MINAR2: variants seen among roughly 807,000 people sequenced by gnomAD.
MINAR2 encodes the protein major intrinsically disordered NOTCH2-binding receptor 1-like.
MINAR2 carries 21 observed loss-of-function variants against 16.1 expected under a neutral mutation model. The observed-to-expected ratio is 1.31, with a 90% CI of 0.93 to 1.88. MINAR2 has a LOEUF of 1.88. Ranked by LOEUF, MINAR2 falls within the 40% of genes most tolerant of loss-of-function variation. MINAR2 has a pLI of 0.00. For synonymous variants in MINAR2, 86 were observed against 83.0 expected (o/e 1.04, Z -0.20); for missense variants, 259 against 229.8 (o/e 1.13, Z -0.82).
At chr5:129,749,932 C>G (rs924235337) in intron 1 of MINAR2, among the ~76,000 whole-genome samples, 6 of 152,212 alleles carry the variant, frequency 3.9e-5, no homozygotes, top group African/African-American at 1.4e-4. Context: ...AGGTAAACTT[C>G]TGCTTCATAG....
chr5:129,756,610 T>A (rs1285108314), intron 1 of MINAR2, among the ~76,000 whole-genome samples: 1 of 152,108 alleles, frequency 6.6e-6, no homozygotes, highest in Non-Finnish European at 1.5e-5. Context: ...TCACTTAGAA[T>A]AATAGTCTCC....
At chr5:129,751,449 C>A (rs1452786983) in intron 1 of MINAR2, among the ~76,000 whole-genome samples, 3 of 152,084 alleles carry the variant, frequency 2.0e-5, no homozygotes, top group African/African-American at 7.2e-5. Context: ...CTCAAGGTAT[C>A]CATCCAATTT....
chr5:129,762,256 A>C (rs1758146465), intron 2 of MINAR2, among the ~76,000 whole-genome samples: 1 of 152,204 alleles, frequency 6.6e-6, no homozygotes, highest in South Asian at 2.1e-4. Context: ...CTGAAGCTAA[A>C]ATAAAAGTTC....
At chr5:129,751,837 A>G (rs1303809440) in intron 1 of MINAR2, among the ~76,000 whole-genome samples, 6 of 152,214 alleles carry the variant, frequency 3.9e-5, no homozygotes, top group Admixed American at 6.5e-5. Flanking sequence ...ACAAGTAATG[A>G]AAAAAGGCTG....
Position 129,764,275 on chromosome 5 carries a change from TCAAA to T in MINAR2, c.394-604_394-601del, listed in dbSNP as rs1199365215. On this transcript the variant is annotated intron_variant, in intron 2 of 2. Transcript: ENST00000564719. ...TATAATGGGTCCTTTTTTCAGGAGG[TCAAA>T]CAAAGTTTCTGCATGCCAGACATGT... Among the ~76,000 whole-genome samples the T allele has an allele frequency of 5.3e-5, 8 of 151,998 alleles. No homozygotes were observed. In the East Asian group the frequency reaches 9.7e-4, roughly 19 times the overall value.
At position 129,760,569 on chromosome 5, in the gene MINAR2, A is replaced by T. The variant is rs866571566; in HGVS notation, c.357A>T (p.Lys119Asn). ...CATGGACCATTGAGGAATATGACAA[A>T]CATTCCCTGCACACAAACCTCTCTG... ...NPSWTIEEYDKHSLHTNLSGH... is the reference protein window; with the variant it reads ...NPSWTIEEYDNHSLHTNLSGH... Residue 119 changes from lysine to asparagine, a missense_variant, in exon 2 of 3, where the codon AAA becomes AAT. By Grantham distance (94) the Lys-to-Asn change is moderately conservative. Coordinates refer to ENST00000564719, the MANE Select transcript of MINAR2 (RefSeq NM_001257308.2). 2.6e-6 allele frequency: 4 copies of T among 1,535,354 alleles called. No homozygotes were observed. In the Admixed American group the frequency reaches 5.9e-5, roughly 23 times the overall value.
rs150792347 is a variant in MINAR2 at position 129,754,575 on chromosome 5, C to T, written c.166-5803C>T. 3.5e-3 allele frequency among the ~76,000 whole-genome samples: 529 copies of T among 152,124 alleles called. 2 individuals carry two copies. Among genetic ancestry groups the T allele is most frequent in the Non-Finnish European group, 4.4e-3 (300 of 67,980 alleles). ...TTTTTTCAGTTCTTCATATGGCCTTCGATAATATCTTGTAATTCTCCACAC... is the reference window on the plus strand; with the variant it reads ...TTTTTTCAGTTCTTCATATGGCCTTTGATAATATCTTGTAATTCTCCACAC... On this transcript the variant is annotated intron_variant, in intron 1 of 2. Transcript: ENST00000564719.
rs183820858 is a variant in MINAR2, at chr5:129,762,154, C to T, written c.393+1549C>T. Among the ~76,000 whole-genome samples, 47 of 151,998 alleles carry T rather than the reference C, an allele frequency of 3.1e-4. 1 individual carries two copies. The East Asian group carries it at 8.7e-3, about 28-fold the overall frequency. ...ATGTAACAAACCTGCACATTCTGCA[C>T]ATGTATCCCATAACATAAAGTAAAA... On this transcript the variant is annotated intron_variant, in intron 2 of 2. Coordinates refer to ENST00000564719, the MANE Select transcript of MINAR2 (RefSeq NM_001257308.2).
intron 1 of MINAR2, among the ~76,000 whole-genome samples, chr5:129,755,483 A>C (rs999566720): frequency 1.3e-5 from 2 of 151,960 alleles, no homozygotes; most frequent in African/African-American, 4.8e-5. Flanking sequence ...GAGGAGGTTT[A>C]AAACTATTGA....
At position 129,766,658 on chromosome 5, in the gene MINAR2, A is replaced by AAAC. The variant is rs1295429049; in HGVS notation, c.*1598_*1600dup. 2 of 134,890 alleles carry AAAC rather than the reference A, an allele frequency of 1.5e-5. No homozygotes were observed. Among genetic ancestry groups the AAAC allele is most frequent in the Non-Finnish European group, 3.1e-5 (2 of 63,674 alleles). The allele number at this position is 134,890 out of a possible 1,614,324, so 8.4% of individuals were successfully genotyped here. ...ATAAAAAAAAAAAAAAAAAAAAAAC[A>AAAC]AACAAACAAACAAAAAAAACCCCAA... On this transcript the variant is annotated 3_prime_UTR_variant, in exon 3 of 3. Coordinates refer to ENST00000564719, the MANE Select transcript of MINAR2 (RefSeq NM_001257308.2).
chr5:129,765,012 C>G lies in MINAR2; in HGVS notation c.522C>G (p.Val174=). 5 of 1,347,976 alleles carry G rather than the reference C, an allele frequency of 3.7e-6. No homozygotes were observed. Among genetic ancestry groups the G allele is most frequent in the Non-Finnish European group, 4.8e-6 (5 of 1,049,232 alleles). The allele number at this position is 1,347,976 out of a possible 1,614,324, so 83.5% of individuals were successfully genotyped here. ...KFCRMGLILL[V]VISILVTIVT... ...GTCGTATGGGTCTGATTTTACTTGT[C>G]GTTATCTCCATCTTGGTTACCATAG... is the stretch of plus-strand genomic sequence containing the variant. The change falls in exon 3 of 3, where the codon GTC becomes GTG. Residue 174 remains valine (V), a synonymous_variant. Transcript: ENST00000564719.
At chr5:129,764,727 A>G (rs961759934) in intron 2 of MINAR2, among the ~76,000 whole-genome samples, 157 bp from the exon 3 acceptor site, 1 of 146,880 alleles carries the variant, frequency 6.8e-6, no homozygotes, top group African/African-American at 2.7e-5. Flanking sequence ...AGGAAGCCTC[A>G]TACCGCTCAT....
At chr5:129,751,291 C>T (rs1581287782) in intron 1 of MINAR2, among the ~76,000 whole-genome samples, 1 of 152,132 alleles carries the variant, frequency 6.6e-6, no homozygotes. Flanking sequence ...TCACTACAAC[C>T]TCTGCCTCCC....
chr5:129,765,900 T>C lies in MINAR2; in HGVS notation c.*837T>C, dbSNP rs1252524079. 1 of 152,198 alleles carries C rather than the reference T, an allele frequency of 6.6e-6. No individual in the cohort carries two copies. The highest frequency in any genetic ancestry group is 1.5e-5 in the Non-Finnish European group (1 of 68,056). 9.4% of individuals were successfully genotyped at this position (152,198 alleles called of 1,614,324 possible). A position where few individuals can be genotyped will look rare whatever the true frequency, so the allele number is the denominator to read the frequency against. ...CTAACTGCTACTTGCTAACAGACTC[T>C]GGCAAGTTATTCTCTCAGAGAAGGA... On this transcript the variant is annotated 3_prime_UTR_variant, in exon 3 of 3. Transcript: ENST00000564719.
chr5:129,755,131 A>G (rs1012523747), intron 1 of MINAR2, among the ~76,000 whole-genome samples: 2 of 152,068 alleles, frequency 1.3e-5, no homozygotes, highest in African/African-American at 4.8e-5. Flanking sequence ...TTAATGTGGT[A>G]AATTTCATTA....
intron 1 of MINAR2, among the ~76,000 whole-genome samples, chr5:129,749,300 C>T (rs148197370): frequency 1.3e-5 from 2 of 152,286 alleles, no homozygotes; most frequent in Non-Finnish European, 2.9e-5. Context: ...ACAGTTGCTA[C>T]TCATGAGTCC....
At chr5:129,752,030 T>G (rs1757991648) in intron 1 of MINAR2, among the ~76,000 whole-genome samples, 1 of 152,186 alleles carries the variant, frequency 6.6e-6, no homozygotes. Context: ...AGATACCATC[T>G]CATGCCAGTT....
chr5:129,761,655 T>C (rs189587491), intron 2 of MINAR2, among the ~76,000 whole-genome samples: 12 of 152,158 alleles, frequency 7.9e-5, no homozygotes, highest in African/African-American at 2.9e-4. Context: ...TTTTCCTTCT[T>C]TCTTTAAATT....
In MINAR2 at chr5:129,760,408, A is replaced by T; in HGVS notation, c.196A>T (p.Ile66Phe). 1 of 1,535,648 alleles carries T rather than the reference A, an allele frequency of 6.5e-7. No homozygotes were observed. Reference protein sequence around the residue: ...REKKNIAAQRIRGSSADSLVT... With the variant: ...REKKNIAAQRFRGSSADSLVT... ...AAAGAAGAATATTGCTGCTCAACGA[A>T]TTAGGGGATCCAGTGCAGACAGCCT... Residue 66 changes from isoleucine to phenylalanine, a missense_variant, in exon 2 of 3, where the codon ATT (isoleucine) becomes TTT (phenylalanine). Transcript: ENST00000564719.
Sources: gnomAD v4.1 joint callset for allele counts (sites outside exome capture counted in the v4.1 genomes callset) on GRCh38, gnomAD v4.1.1 for gene constraint, MANE v1.5 for transcripts, NCBI Gene and HGNC (gene_info 2026-07-23, HGNC 2026-07-21) for gene names.